The following NXF3 variants were observed in gnomAD, a reference collection of about 807,000 sequenced individuals.
NXF3 encodes the protein nuclear RNA export factor 3.
A neutral mutation model predicts 48.4 loss-of-function variants in NXF3; 34 were observed. The observed-to-expected ratio is 0.70, with a 90% CI of 0.53 to 0.93. The LOEUF is 0.93. Among genes scored for constraint, NXF3 ranks in the 40% least tolerant of loss-of-function variants. NXF3 has a pLI of 0.00. For missense variants in NXF3, 359 were observed against 406.1 expected (o/e 0.88, Z 1.00); for synonymous variants, 132 against 145.7 (o/e 0.91, Z 0.68).
chrX:103,077,544 G>A (rs952415302), intron 18 of NXF3, 70 bp downstream of exon 18: 43 of 1,154,014 alleles, frequency 3.7e-5, no homozygotes, highest in Non-Finnish European at 4.3e-5. Flanking sequence ...GAGCCACCGC[G>A]CCCGGCCCAG....
intron 1 of NXF3, among the ~76,000 whole-genome samples, chrX:103,091,132 A>G (rs1922261536): frequency 8.9e-6 from 1 of 112,096 alleles, no homozygotes; most frequent in Non-Finnish European, 1.9e-5. Context: ...TTCCCGACCT[A>G]AACAGGGAGA....
intron 1 of NXF3, among the ~76,000 whole-genome samples, chrX:103,091,089 T>C (rs1922260647): frequency 8.9e-6 from 1 of 112,439 alleles, no homozygotes; most frequent in African/African-American, 3.2e-5. Context: ...ATTTATGTAA[T>C]TTTATTTGAA....
intron 1 of NXF3, among the ~76,000 whole-genome samples, chrX:103,085,900 CAAAAAAAAAAA>C (rs56135590): frequency 1.6e-4 from 7 of 43,537 alleles, no homozygotes; most frequent in African/African-American, 5.6e-4. Flanking sequence ...GAGACTCTGT[CAAAAAAAAAAA>C]AAAAAAAAAA....
At chrX:103,092,532 T>G (rs991401398) in intron 1 of NXF3, among the ~76,000 whole-genome samples, 6 of 112,339 alleles carry the variant, frequency 5.3e-5, no homozygotes, top group Admixed American at 2.8e-4. Context: ...CAGACAAAAA[T>G]TCAGCTACAT....
intron 1 of NXF3, among the ~76,000 whole-genome samples, chrX:103,091,017 TA>T (rs1922259351): frequency 8.9e-6 from 1 of 112,570 alleles, no homozygotes; most frequent in Non-Finnish European, 1.9e-5. Context: ...TATTTTCCAA[TA>T]ATGTTCAAGG....
intron 1 of NXF3, chrX:103,089,079 C>T (rs1344464854): frequency 1.6e-5 from 17 of 1,043,111 alleles, no homozygotes; most frequent in Non-Finnish European, 2.0e-5. Context: ...CTTCCTGTAC[C>T]GACGCAGTGT....
chrX:103,084,688 C>T, intron 2 of NXF3, 27 bp downstream of exon 2: 4 of 1,202,362 alleles, frequency 3.3e-6, no homozygotes, highest in Non-Finnish European at 4.5e-6. Context: ...TGGTACATTC[C>T]AGCCATGCTG....
intron 8 of NXF3, 148 bp from the exon 9 acceptor site, chrX:103,082,512 C>G (rs373272759): frequency 8.6e-5 from 41 of 475,207 alleles, no homozygotes; most frequent in African/African-American, 8.4e-4. Context: ...CTTCAAAGAA[C>G]TATCTGAGTA....
At chrX:103,082,421 C>A in intron 8 of NXF3, 57 bp from the exon 9 acceptor site, 1 of 797,312 alleles carries the variant, frequency 1.3e-6, no homozygotes, top group South Asian at 2.3e-5. Context: ...GAGGGCCCTG[C>A]ACCCTCAGTC....
Position 103,077,786 on chromosome X carries a change from A to G in NXF3, c.1452-40T>C, listed in dbSNP as rs200534264. The G allele has an allele frequency of 2.5e-5, 30 of 1,190,520 alleles. No homozygotes were observed. The East Asian group carries it at 8.7e-4, about 35-fold the overall frequency. ...GGCCATCAGGTAGCCGGAGAGAAGG[A>G]CACCTCCCCACCCGCTACAAGGATC... On this transcript the variant is annotated intron_variant, in intron 17 of 19. Transcript: ENST00000395065.
chrX:103,087,768 C>A, intron 1 of NXF3: 2 of 935,031 alleles, frequency 2.1e-6, no homozygotes, highest in South Asian at 4.2e-5. Context: ...AAATGTCTCT[C>A]GTGTAGTAAA....
chrX:103,082,736 C>T, intron 8 of NXF3, 24 bp downstream of exon 8: 2 of 1,151,025 alleles, frequency 1.7e-6, no homozygotes, highest in Non-Finnish European at 2.4e-6. Context: ...CACCCTCAAT[C>T]CCAGCATGAG....
chrX:103,083,451 C>T lies in NXF3; in HGVS notation c.487G>A (p.Ala163Thr). 1 of 1,211,058 alleles carries T rather than the reference C, an allele frequency of 8.3e-7. No homozygotes were observed. ...CCACTGACATTCTTCAGTGCATAGG[C>T]GATGCTGGCATTCTCCACAAAGAAG... The part of the protein sequence containing the change: ...ASFFVENASI[A>T]YALKNVSGKI... The change falls in exon 5 of 20, where the codon GCC becomes ACC. Residue 163 changes from alanine (A) to threonine (T), a missense_variant. By Grantham distance (58) the Ala-to-Thr change is moderately conservative. Transcript: ENST00000395065.
intron 17 of NXF3, among the ~76,000 whole-genome samples, chrX:103,078,228 A>C (rs1921918909): frequency 9.0e-6 from 1 of 111,616 alleles, no homozygotes; most frequent in Non-Finnish European, 1.9e-5. Flanking sequence ...TCCTGGGCTC[A>C]AGATCCTTCC....
chrX:103,079,128 G>A (rs1372595671), intron 16 of NXF3, 93 bp downstream of exon 16: 25 of 915,243 alleles, frequency 2.7e-5, no homozygotes, highest in Admixed American at 6.7e-5. Flanking sequence ...GGAAAGGAAC[G>A]AAATGAGGGA....
intron 1 of NXF3, chrX:103,088,387 A>T (rs1340656413): frequency 1.8e-6 from 1 of 550,752 alleles, no homozygotes; most frequent in Non-Finnish European, 3.0e-6. Flanking sequence ...AACAATTGGC[A>T]ATAAAAAAAA....
chrX:103,082,753 G>T lies in NXF3; in HGVS notation c.780+7C>A. 1 of 1,185,731 alleles carries T rather than the reference G, an allele frequency of 8.4e-7. No individual in the cohort carries two copies. Among genetic ancestry groups the T allele is most frequent in the Non-Finnish European group, 1.1e-6 (1 of 871,842 alleles). The stretch of plus-strand genomic sequence containing the variant: ...CCCTCAATCCCAGCATGAGCCTAAG[G>T]CCTCACTGTAGGTATGTTCTCTTCA... On this transcript the variant is annotated splice_region_variant and intron_variant, in intron 8 of 19. Transcript: ENST00000395065.
intron 2 of NXF3, 68 bp from the exon 3 acceptor site, chrX:103,084,563 T>C: frequency 1.7e-6 from 2 of 1,153,156 alleles, no homozygotes; most frequent in Admixed American, 2.2e-5. Context: ...TTTGATCCAC[T>C]GATACCAGGG....
intron 1 of NXF3, 27 bp downstream of exon 1, chrX:103,092,969 A>C (rs977033393): frequency 5.8e-6 from 7 of 1,201,755 alleles, no homozygotes; most frequent in Non-Finnish European, 7.9e-6. Flanking sequence ...GAGACCTGAG[A>C]CTCCAGCCTC....
Sources: allele counts gnomAD v4.1 joint callset (sites outside exome capture counted in the v4.1 genomes callset), GRCh38; gene constraint gnomAD v4.1.1; transcripts MANE v1.5; gene names NCBI Gene and HGNC (gene_info 2026-07-23, HGNC 2026-07-21).